MXRA7: variants seen among roughly 807,000 people sequenced by gnomAD.
MXRA7 encodes matrix-remodeling-associated protein 7.
MXRA7 carries 18 observed loss-of-function variants against 17.4 expected under a neutral mutation model. That is an observed-to-expected ratio of 1.03 (90% CI 0.71 to 1.53). The LOEUF is 1.53. Ranked by LOEUF, MXRA7 falls within the 40% of genes most tolerant of loss-of-function variation. The pLI, the probability that MXRA7 is intolerant of heterozygous loss-of-function variation, is 0.00. For missense variants in MXRA7, 141 were observed against 209.3 expected, an observed-to-expected ratio of 0.67 and a Z score of 2.01; for synonymous variants, 70 against 101.7, an observed-to-expected ratio of 0.69 and a Z score of 1.87.
chr17:76,684,069 C>T (rs2076351689), intron 3 of MXRA7: 2 of 738,896 alleles, frequency 2.7e-6, no homozygotes, highest in Non-Finnish European at 4.9e-6. Context: ...AAGAGCTTTC[C>T]TGCTGAGGGT....
intron 1 of MXRA7, among the ~76,000 whole-genome samples, chr17:76,709,080 G>A (rs1298407558): frequency 6.6e-6 from 1 of 152,134 alleles, no homozygotes; most frequent in Non-Finnish European, 1.5e-5. Flanking sequence ...CTTGTAGAAA[G>A]TTCTTTAAGC....
chr17:76,683,646 G>A (rs1321037073), intron 3 of MXRA7, among the ~76,000 whole-genome samples: 3 of 152,200 alleles, frequency 2.0e-5, no homozygotes, highest in Non-Finnish European at 2.9e-5. Flanking sequence ...TCCCCTCCAG[G>A]AACCTCTGCC....
Position 76,685,153 on chromosome 17 carries a change from G to A in MXRA7, c.419C>T (p.Ser140Phe), listed in dbSNP as rs758461449. ...CAGCTTCCCGGGGCTGTATTTGAAG[G>A]AGAAGCCTTCTCCTGTGGAGGGGGG... ...GPEEEDGEGFSFKYSPGKLRG... is the reference protein window; with the variant it reads ...GPEEEDGEGFFFKYSPGKLRG... The change falls in exon 3 of 4, where the codon TCC (serine) becomes TTC (phenylalanine). Residue 140 changes from serine to phenylalanine, a missense_variant. Transcript: ENST00000449428. 6 of 1,613,762 alleles carry A rather than the reference G, an allele frequency of 3.7e-6. No individual in the cohort carries two copies. Among genetic ancestry groups the A allele is most frequent in the East Asian group, 2.2e-5 (1 of 44,852 alleles).
At chr17:76,686,991 A>G in intron 2 of MXRA7, among the ~76,000 whole-genome samples, 1 of 152,122 alleles carries the variant, frequency 6.6e-6, no homozygotes, top group Non-Finnish European at 1.5e-5. Flanking sequence ...TATGCCAGGG[A>G]GAGGGGTCTG....
chr17:76,691,646 AG>A (rs957359872), intron 1 of MXRA7, among the ~76,000 whole-genome samples: 48 of 152,186 alleles, frequency 3.2e-4, no homozygotes, highest in African/African-American at 1.1e-3. Context: ...TGTTGGTTGC[AG>A]GGGTGGGGCT....
At chr17:76,678,126 GA>G (rs2076256473), downstream of MXRA7, among the ~76,000 whole-genome samples, 1 of 152,172 alleles carries the variant, frequency 6.6e-6, no homozygotes. Context: ...GGAATGAGCC[GA>G]AAGTGGAGAA....
chr17:76,702,963 C>G (rs184304931), intron 1 of MXRA7, among the ~76,000 whole-genome samples: 1 of 131,258 alleles, frequency 7.6e-6, no homozygotes, highest in East Asian at 2.1e-4. Context: ...GTAGGGTTTC[C>G]TGCTGATCTC....
intron 1 of MXRA7, among the ~76,000 whole-genome samples, chr17:76,691,155 C>T (rs894592391): frequency 6.6e-6 from 1 of 152,184 alleles, no homozygotes; most frequent in Non-Finnish European, 1.5e-5. Context: ...AGTTAAGAAT[C>T]GATGACGCCT....
intron 1 of MXRA7, 125 bp downstream of exon 1, chr17:76,710,480 T>G (rs2143701406): frequency 1.3e-6 from 1 of 793,538 alleles, no homozygotes; most frequent in Non-Finnish European, 1.7e-6. Context: ...GGGCCGCGGG[T>G]TCTGCGCTTC....
At chr17:76,706,426 C>CAGAGGACCACACTGCCATCAA (rs2076661939) in intron 1 of MXRA7, among the ~76,000 whole-genome samples, 1 of 145,798 alleles carries the variant, frequency 6.9e-6, no homozygotes, top group Non-Finnish European at 1.5e-5. Context: ...ACTGCCATCA[C>CAGAGGACCACACTGCCATCAA]AAAGGACCAC....
At chr17:76,695,847 C>A (rs151291538) in intron 1 of MXRA7, among the ~76,000 whole-genome samples, 23 of 152,148 alleles carry the variant, frequency 1.5e-4, no homozygotes, top group African/African-American at 5.3e-4. Flanking sequence ...AATCCCAGCA[C>A]TTTGGGAGGT....
At chr17:76,706,043 TATCACAAAGGACCACACTGCC>T (rs2076651188) in intron 1 of MXRA7, among the ~76,000 whole-genome samples, 1 of 91,898 alleles carries the variant, frequency 1.1e-5, no homozygotes, top group Admixed American at 1.0e-4. Flanking sequence ...CCCACTCTGC[TATCACAAAGGACCACACTGCC>T]ATCACAGAGG....
At chr17:76,710,528 C>T (rs936100199) in intron 1 of MXRA7, 77 bp downstream of exon 1, 1 of 1,168,410 alleles carries the variant, frequency 8.6e-7, no homozygotes, top group Non-Finnish European at 1.1e-6. Flanking sequence ...GGCCCCGCTC[C>T]CTGGCTCGGC....
At chr17:76,679,320 T>C (rs528423918), downstream of MXRA7, among the ~76,000 whole-genome samples, 64 of 149,884 alleles carry the variant, frequency 4.3e-4, no homozygotes, top group Non-Finnish European at 7.8e-4. Context: ...AGAAGAGGAA[T>C]TCCCGTGAAC....
chr17:76,674,408 C>T (rs1366550514), exon 4 of MXRA7: 1 of 152,246 alleles, frequency 6.6e-6, no homozygotes, highest in Admixed American at 6.5e-5. Flanking sequence ...CAGAGGCCAG[C>T]ACTTACGGGG....
At chr17:76,686,785 G>A (rs1032900909) in intron 2 of MXRA7, among the ~76,000 whole-genome samples, 7 of 152,136 alleles carry the variant, frequency 4.6e-5, no homozygotes, top group African/African-American at 9.7e-5. Context: ...AGGCTGCCTC[G>A]TACTGCAGAG....
chr17:76,682,896 C>T (rs973435320), intron 3 of MXRA7, among the ~76,000 whole-genome samples: 1 of 152,198 alleles, frequency 6.6e-6, no homozygotes, highest in African/African-American at 2.4e-5. Context: ...CTCGGTCCCA[C>T]AGAACAGCCA....
chr17:76,681,012 T>C lies in MXRA7; in HGVS notation c.501-133A>G, dbSNP rs2076295974. ...TGCAGAAGCTGCGCTAGACTCTGGT[T>C]TCTCAAACCACTGCTGATTTGCTTC... is the stretch of plus-strand genomic sequence containing the variant. On this transcript the variant is annotated intron_variant, in intron 3 of 3. Coordinates refer to ENST00000449428, the MANE Select transcript of MXRA7 (RefSeq NM_198530.4). This position sits in a 1 kb window ranked among gnomAD's most constrained non-coding sequence, Gnocchi z 4.7. 1 of 754,348 alleles carries C rather than the reference T, an allele frequency of 1.3e-6. No individual in the cohort carries two copies. Among genetic ancestry groups the C allele is most frequent in the Non-Finnish European group, 2.2e-6 (1 of 448,480 alleles). The allele number at this position is 754,348 out of a possible 1,614,324, so 46.7% of individuals were successfully genotyped here. A position where few individuals can be genotyped will look rare whatever the true frequency, so the allele number is the denominator to read the frequency against.
chr17:76,693,356 T>C (rs866629444), intron 1 of MXRA7, among the ~76,000 whole-genome samples: 1 of 151,610 alleles, frequency 6.6e-6, no homozygotes, highest in Admixed American at 6.6e-5. Flanking sequence ...CTTCAGCTAC[T>C]TGGGAGGCTG....
Sources: gnomAD v4.1 joint callset for allele counts (sites outside exome capture counted in the v4.1 genomes callset) on GRCh38, gnomAD v4.1.1 for gene constraint, Gnocchi (gnomAD v3.1) non-coding constraint, MANE v1.5 for transcripts, NCBI Gene and HGNC (gene_info 2026-07-23, HGNC 2026-07-21) for gene names.